Variants in C5 observed in about 807,000 individuals in gnomAD.
C5 encodes the protein complement C5.
In C5, 140 loss-of-function variants were observed where a neutral mutation model predicts 218.8. The ratio of observed to expected loss-of-function variants is 0.64; its 90% CI spans 0.56 to 0.74. The LOEUF is 0.74. C5 is among the 30% of genes least tolerant of loss of function. The probability of loss-of-function intolerance (pLI) is 0.00; values close to 1 mark genes in which losing one functional copy is unlikely to be tolerated. For missense variants in C5, 1,700 were observed against 1,969.6 expected (o/e 0.86, Z 2.59); for synonymous variants, 614 against 682.3 (o/e 0.90, Z 1.56).
chr9:121,013,158 A>G (rs1293702730), intron 17 of C5, among the ~76,000 whole-genome samples: 1 of 152,022 alleles, frequency 6.6e-6, no homozygotes, highest in East Asian at 1.9e-4. Flanking sequence ...TGTCCCTACT[A>G]AAAATACAAA....
chr9:120,959,899 T>C (rs989303489), intron 38 of C5, among the ~76,000 whole-genome samples: 1 of 152,240 alleles, frequency 6.6e-6, no homozygotes. Flanking sequence ...CCTCTGCCTC[T>C]GGTCTATCAA....
In C5 at chr9:120,963,738, G is replaced by A. The variant is rs2046845517; in HGVS notation, c.4221C>T (p.Ser1407=). 6.2e-7 allele frequency: 1 copy of A among 1,608,006 alleles called. No homozygotes were observed. Among genetic ancestry groups the A allele is most frequent in the Non-Finnish European group, 8.5e-7 (1 of 1,174,852 alleles). ...ATGATTCTTCCCTGCTGGGCTTGTA[G>A]CTAAAATAAAAAAGAGGTTAGAAAA... is the stretch of plus-strand genomic sequence containing the variant. ...SDYKRIVACA[S]YKPSREESSS... is the part of the protein sequence containing the mutation. Residue 1407 remains serine (S), a splice_region_variant and synonymous_variant, in exon 34 of 41, where the codon AGC becomes AGT. Coordinates refer to ENST00000223642, the MANE Select transcript of C5 (RefSeq NM_001735.3).
chr9:121,018,615 A>AAGGAAGGC (rs1564153738), intron 12 of C5, among the ~76,000 whole-genome samples: 4 of 87,750 alleles, frequency 4.6e-5, no homozygotes, highest in East Asian at 4.5e-4. Context: ...GGAAGGAAGG[A>AAGGAAGGC]AGGCAAGAAA....
At chr9:120,965,348 C>A (rs1228214563) in intron 33 of C5, among the ~76,000 whole-genome samples, 1 of 151,950 alleles carries the variant, frequency 6.6e-6, no homozygotes, top group Non-Finnish European at 1.5e-5. Context: ...GGTGAAACCA[C>A]TTCTCTACTA....
intron 4 of C5, among the ~76,000 whole-genome samples, chr9:121,036,446 G>A (rs1587994913): frequency 6.6e-6 from 1 of 152,230 alleles, no homozygotes; most frequent in East Asian, 1.9e-4. Flanking sequence ...CCATGAAGAC[G>A]TTGGATAAAG....
chr9:120,971,582 C>T (rs1444066394), intron 31 of C5, among the ~76,000 whole-genome samples: 1 of 152,036 alleles, frequency 6.6e-6, no homozygotes, highest in Non-Finnish European at 1.5e-5. Flanking sequence ...GGAATACAGG[C>T]GCACGCCACC....
intron 36 of C5, among the ~76,000 whole-genome samples, 165 bp from the exon 37 acceptor site, chr9:120,961,730 AG>A (rs2046829077): frequency 6.6e-6 from 1 of 152,088 alleles, no homozygotes; most frequent in Admixed American, 6.5e-5. Flanking sequence ...TGTCCTGGGA[AG>A]GGTTCCGCTA....
the C5 span, among the ~76,000 whole-genome samples, chr9:121,072,812 T>TAAAAAAAAAAAAAAA: frequency 2.5e-4 from 25 of 98,502 alleles, no homozygotes; most frequent in East Asian, 5.6e-4. Flanking sequence ...TTCAAAAAAT[T>TAAAAAAAAAAAAAAA]AAAAAAAAAA....
In C5 at chr9:120,997,748, C is replaced by T; in HGVS notation, c.2589G>A (p.Glu863=). ...CTGGGCTTTCCGAAGTGCAGATTCC[C>T]TCCACAGCAGACATTTTAACACAGA... is the stretch of plus-strand genomic sequence containing the variant. The part of the protein sequence containing the change: ...MQFCVKMSAV[E]GICTSESPVI... The change falls in exon 21 of 41, where the codon GAG becomes GAA. Residue 863 remains glutamate, a synonymous_variant. Coordinates refer to ENST00000223642, the MANE Select transcript of C5 (RefSeq NM_001735.3). 6.2e-7 allele frequency: 1 copy of T among 1,613,974 alleles called. No individual in the cohort carries two copies. Among genetic ancestry groups the T allele is most frequent in the South Asian group, 1.1e-5 (1 of 91,070 alleles).
the C5 span, among the ~76,000 whole-genome samples, chr9:121,072,855 A>AT: frequency 6.6e-6 from 1 of 151,676 alleles, no homozygotes; most frequent in Non-Finnish European, 1.5e-5. Flanking sequence ...AATGAATGTA[A>AT]TCTCCTCTTA....
chr9:120,967,658 C>T (rs930609509), intron 33 of C5, among the ~76,000 whole-genome samples: 1 of 152,128 alleles, frequency 6.6e-6, no homozygotes, highest in Non-Finnish European at 1.5e-5. Flanking sequence ...TCTGATCACA[C>T]TGTGTGATCA....
chr9:120,989,852 G>T (rs1457147901), intron 23 of C5, 72 bp from the exon 24 acceptor site: 58 of 1,224,508 alleles, frequency 4.7e-5, no homozygotes, highest in Non-Finnish European at 6.8e-5. Context: ...CAAGAGAGAA[G>T]AACAACCATC....
chr9:120,952,527 C>T lies in C5; in HGVS notation c.*212G>A. The T allele has an allele frequency of 2.1e-6, 1 of 472,952 alleles. No homozygotes were observed. Among genetic ancestry groups the T allele is most frequent in the South Asian group, 2.1e-5 (1 of 48,480 alleles). 29.3% of individuals were successfully genotyped at this position (472,952 alleles called of 1,614,324 possible). A position where few individuals can be genotyped will look rare whatever the true frequency, so the allele number is the denominator to read the frequency against. ...GTGTCCAATAACCTTGGAGGAGTATCTGTCTTCATGCCCTCCAAGGCCATG... is the reference window on the plus strand; with the variant it reads ...GTGTCCAATAACCTTGGAGGAGTATTTGTCTTCATGCCCTCCAAGGCCATG... On this transcript the variant is annotated 3_prime_UTR_variant, in exon 41 of 41. Coordinates refer to ENST00000223642, the MANE Select transcript of C5 (RefSeq NM_001735.3).
chr9:120,985,936 C>G (rs2047029369), intron 25 of C5, among the ~76,000 whole-genome samples: 2 of 152,194 alleles, frequency 1.3e-5, no homozygotes, highest in South Asian at 4.1e-4. Flanking sequence ...CTGTTTCAGT[C>G]TAGCTGACCA....
the C5 span, among the ~76,000 whole-genome samples, chr9:121,073,511 CTTTTTTTTTTTTT>C: frequency 1.4e-5 from 1 of 73,006 alleles, no homozygotes; most frequent in Non-Finnish European, 2.6e-5. Context: ...GAAAACTGGA[CTTTTTTTTTTTTT>C]TTTTTTTTTT....
At chr9:121,019,888 A>G in intron 12 of C5, 88 bp downstream of exon 12, 1 of 836,384 alleles carries the variant, frequency 1.2e-6, no homozygotes, top group Non-Finnish European at 2.0e-6. Flanking sequence ...GAATAAAAGT[A>G]TAAAGGATAA....
At chr9:121,055,645 C>A in the C5 span, among the ~76,000 whole-genome samples, 1 of 152,318 alleles carries the variant, frequency 6.6e-6, no homozygotes, top group South Asian at 2.1e-4. Flanking sequence ...AGGGAATCCA[C>A]TGCCCGGTTG....
intron 4 of C5, among the ~76,000 whole-genome samples, chr9:121,035,733 C>T (rs765123877): frequency 6.6e-6 from 1 of 151,084 alleles, no homozygotes; most frequent in African/African-American, 2.5e-5. Flanking sequence ...CCATGCCCAG[C>T]TATTTTTTTT....
intron 38 of C5, among the ~76,000 whole-genome samples, chr9:120,959,371 G>A (rs41313609): frequency 0.046 from 6,943 of 151,224 alleles, 231 homozygotes; most frequent in Middle Eastern, 0.092. Context: ...TGATTCTCCC[G>A]CCTCACCCTG....
Sources: allele counts gnomAD v4.1 joint callset (sites outside exome capture counted in the v4.1 genomes callset), GRCh38; gene constraint gnomAD v4.1.1; transcripts MANE v1.5; gene names NCBI Gene and HGNC (gene_info 2026-07-23, HGNC 2026-07-21).